Variants in TMTC1 observed in about 807,000 individuals in gnomAD.
TMTC1 encodes the protein protein O-mannosyl-transferase TMTC1.
TMTC1 carries 73 observed loss-of-function variants against 104.8 expected under a neutral mutation model. The ratio of observed to expected loss-of-function variants is 0.70; its 90% CI spans 0.58 to 0.85. The LOEUF is 0.85. Ranked by LOEUF, TMTC1 falls within the 40% of genes least tolerant of loss-of-function variation. The pLI, the probability that TMTC1 is intolerant of heterozygous loss-of-function variation, is 0.00. For missense variants in TMTC1, 1,035 were observed against 1,096.1 expected, an observed-to-expected ratio of 0.94 and a Z score of 0.79; for synonymous variants, 434 against 428.7, an observed-to-expected ratio of 1.01 and a Z score of -0.15.
At chr12:29,736,874 C>A (rs1942690798) in intron 5 of TMTC1, among the ~76,000 whole-genome samples, 1 of 152,198 alleles carries the variant, frequency 6.6e-6, no homozygotes, top group Non-Finnish European at 1.5e-5. Context: ...TAACCAGATA[C>A]ACACATAACA....
chr12:29,582,198 G>T (rs2136326486), intron 8 of TMTC1, among the ~76,000 whole-genome samples: 1 of 152,322 alleles, frequency 6.6e-6, no homozygotes, highest in Middle Eastern at 3.4e-3. Context: ...AATAGTAGAA[G>T]AGTGCAGTGA....
intron 5 of TMTC1, among the ~76,000 whole-genome samples, chr12:29,746,683 A>C (rs970538530): frequency 8.5e-5 from 13 of 152,200 alleles, no homozygotes; most frequent in African/African-American, 3.1e-4. Context: ...CTTGAATTTA[A>C]TTACCTTATA....
At chr12:29,659,897 C>T (rs978496147) in intron 5 of TMTC1, 55 of 1,535,276 alleles carry the variant, frequency 3.6e-5, no homozygotes, top group Admixed American at 7.9e-5. Flanking sequence ...GAATGTAAGG[C>T]GAAAATGAAG....
chr12:29,689,978 T>G (rs151056018), intron 5 of TMTC1, among the ~76,000 whole-genome samples: 1 of 152,220 alleles, frequency 6.6e-6, no homozygotes, highest in African/African-American at 2.4e-5. Flanking sequence ...TTAAACAAGA[T>G]TGTACCCCCA....
chr12:29,616,310 A>C (rs926657267), intron 6 of TMTC1, among the ~76,000 whole-genome samples: 1 of 152,172 alleles, frequency 6.6e-6, no homozygotes, highest in African/African-American at 2.4e-5. Flanking sequence ...ACTCCCCAAA[A>C]ATCAACGCGC....
At chr12:29,636,881 C>G (rs539413607) in intron 5 of TMTC1, among the ~76,000 whole-genome samples, 1 of 142,740 alleles carries the variant, frequency 7.0e-6, no homozygotes, top group Admixed American at 7.0e-5. Context: ...CTCATCTCTA[C>G]AAAAAATTAA....
chr12:29,647,299 C>A (rs1416612304), intron 5 of TMTC1, among the ~76,000 whole-genome samples: 1 of 152,178 alleles, frequency 6.6e-6, no homozygotes, highest in Non-Finnish European at 1.5e-5. Flanking sequence ...GGATTACAGG[C>A]ATGAGCCACT....
At chr12:29,537,725 C>T (rs574320830) in intron 10 of TMTC1, among the ~76,000 whole-genome samples, 7 of 152,112 alleles carry the variant, frequency 4.6e-5, no homozygotes, top group African/African-American at 4.8e-5. Context: ...GGCAGGTGAC[C>T]GTAGCTCCTG....
At chr12:29,597,242 CTTT>C (rs36063501) in intron 7 of TMTC1, among the ~76,000 whole-genome samples, 12 of 124,158 alleles carry the variant, frequency 9.7e-5, no homozygotes, top group Non-Finnish European at 1.4e-4. Context: ...TCTTTTCTTT[CTTT>C]TTTTTTTTTT....
intron 5 of TMTC1, among the ~76,000 whole-genome samples, chr12:29,713,728 A>C (rs1264813160): frequency 6.6e-6 from 1 of 152,186 alleles, no homozygotes; most frequent in African/African-American, 2.4e-5. Flanking sequence ...ATTTTCACTG[A>C]AGTACCAGGC....
At chr12:29,736,141 C>T (rs1942666513) in intron 5 of TMTC1, among the ~76,000 whole-genome samples, 6 of 151,596 alleles carry the variant, frequency 4.0e-5, no homozygotes. Flanking sequence ...CAGAAAGCAG[C>T]CAATATACAG....
chr12:29,617,092 A>G (rs1947002909), intron 6 of TMTC1, among the ~76,000 whole-genome samples: 1 of 151,642 alleles, frequency 6.6e-6, no homozygotes, highest in Admixed American at 6.6e-5. Context: ...TTCCCTACAT[A>G]TTTCTTCTGC....
intron 5 of TMTC1, among the ~76,000 whole-genome samples, chr12:29,638,087 G>A (rs991342362): frequency 2.0e-5 from 3 of 152,008 alleles, no homozygotes; most frequent in African/African-American, 7.2e-5. Context: ...AGAGAAGGGC[G>A]GGGTCCCTGG....
chr12:29,718,995 T>C (rs945794206), intron 5 of TMTC1, among the ~76,000 whole-genome samples: 8 of 150,256 alleles, frequency 5.3e-5, no homozygotes, highest in African/African-American at 2.0e-4. Flanking sequence ...AACCTGTAGA[T>C]AAATAAAAAG....
At chr12:29,639,501 G>A (rs1050792682) in intron 5 of TMTC1, among the ~76,000 whole-genome samples, 2 of 152,204 alleles carry the variant, frequency 1.3e-5, no homozygotes, top group African/African-American at 4.8e-5. Context: ...AAATGTCAGT[G>A]AGGATGAGCA....
chr12:29,741,755 A>ACATT (rs1173794587), intron 5 of TMTC1, among the ~76,000 whole-genome samples: 2 of 152,328 alleles, frequency 1.3e-5, no homozygotes, highest in Admixed American at 1.3e-4. Context: ...AATGCTCAAG[A>ACATT]CATTCTGTTC....
chr12:29,654,166 A>C (rs1013884241), intron 5 of TMTC1, among the ~76,000 whole-genome samples: 1 of 152,234 alleles, frequency 6.6e-6, no homozygotes, highest in African/African-American at 2.4e-5. Context: ...ATACAGAAAG[A>C]AAGAAAATGT....
At chr12:29,507,558 G>A (rs1002398298) in intron 17 of TMTC1, among the ~76,000 whole-genome samples, 5 of 152,156 alleles carry the variant, frequency 3.3e-5, no homozygotes, top group Non-Finnish European at 7.3e-5. Context: ...TTTTACTACT[G>A]CAGGTTTGCA....
intron 11 of TMTC1, among the ~76,000 whole-genome samples, chr12:29,522,388 C>G (rs538933475): frequency 6.6e-6 from 1 of 152,162 alleles, no homozygotes; most frequent in South Asian, 2.1e-4. Flanking sequence ...CATCCACACT[C>G]CAGCAAAAAT....
Sources: allele counts gnomAD v4.1 joint callset (sites outside exome capture counted in the v4.1 genomes callset), GRCh38; gene constraint gnomAD v4.1.1; transcripts MANE v1.5; gene names NCBI Gene and HGNC (gene_info 2026-07-23, HGNC 2026-07-21).